UNKL: variants seen among roughly 807,000 people sequenced by gnomAD.
The protein encoded by UNKL is unk like zinc finger, also known as putative E3 ubiquitin-protein ligase UNKL.
A neutral mutation model predicts 78.0 loss-of-function variants in UNKL; 60 were observed. The observed-to-expected ratio is 0.77, with a 90% CI of 0.63 to 0.95. The LOEUF is 0.95. Ranked by LOEUF, UNKL falls within the 40% of genes least tolerant of loss-of-function variation. The probability of loss-of-function intolerance (pLI) is 0.00; values close to 1 mark genes in which losing one functional copy is unlikely to be tolerated. For synonymous variants in UNKL, 608 were observed against 474.8 expected (o/e 1.28, Z -3.65); for missense variants, 1,159 against 1,045.7 (o/e 1.11, Z -1.49).
chr16:1,376,698 A>G (rs1375471692), intron 10 of UNKL, among the ~76,000 whole-genome samples: 2 of 42,238 alleles, frequency 4.7e-5, no homozygotes, highest in Non-Finnish European at 1.1e-4. Flanking sequence ...AGGGGGATAC[A>G]TTCCAAGACC....
chr16:1,374,808 G>A (rs79143210), intron 10 of UNKL, among the ~76,000 whole-genome samples: 2,559 of 152,278 alleles, frequency 0.017, 39 homozygotes, highest in African/African-American at 0.038. Flanking sequence ...ACAAGGACTC[G>A]GCAGCCAAGG....
intron 4 of UNKL, among the ~76,000 whole-genome samples, chr16:1,400,969 G>A (rs960083041): frequency 1.3e-5 from 2 of 152,324 alleles, no homozygotes; most frequent in South Asian, 2.1e-4. Context: ...GATTACAGGC[G>A]TGAGCCAGTG....
At chr16:1,412,531 CTGCACAAGGCAGAGG>C (rs1260019568) in intron 2 of UNKL, among the ~76,000 whole-genome samples, 2 of 152,184 alleles carry the variant, frequency 1.3e-5, no homozygotes, top group African/African-American at 4.8e-5. Context: ...TCACTTAAAC[CTGCACAAGGCAGAGG>C]TTGCCGTGAG....
intron 6 of UNKL, 86 bp from the exon 7 acceptor site, chr16:1,394,301 A>C (rs955338198): frequency 1.4e-6 from 2 of 1,456,582 alleles, no homozygotes; most frequent in African/African-American, 1.4e-5. Context: ...AAGGGAGAGG[A>C]TTAAGCTCCA....
intron 2 of UNKL, among the ~76,000 whole-genome samples, chr16:1,413,243 C>CAA (rs546295462): frequency 1.7e-4 from 12 of 71,650 alleles, no homozygotes; most frequent in Non-Finnish European, 2.6e-4. Context: ...GACCCTGTCT[C>CAA]AAAAAAAAAA....
chr16:1,399,892 A>C lies in UNKL; in HGVS notation c.599-383T>G, dbSNP rs900979028. On this transcript the variant is annotated intron_variant, in intron 4 of 14. Coordinates refer to ENST00000389221, the MANE Select transcript of UNKL (RefSeq NM_001372107.1). This position sits in a 1 kb window ranked among gnomAD's most constrained non-coding sequence, Gnocchi z 5.8. ...GCACAGCTTTTGAGAATATGCTAAA[A>C]TCCAGAGACATGCACACCCCGAAAT... 6.6e-5 allele frequency among the ~76,000 whole-genome samples: 10 copies of C among 152,084 alleles called. 1 individual carries two copies. The highest frequency in any genetic ancestry group is 6.6e-4 in the Admixed American group (10 of 15,256).
In UNKL at chr16:1,371,540, C is replaced by A. The variant is rs181627566; in HGVS notation, c.1336G>T (p.Gly446Cys). 18 of 1,536,076 alleles carry A rather than the reference C, an allele frequency of 1.2e-5. No individual in the cohort carries two copies. Among genetic ancestry groups the A allele is most frequent in the East Asian group, 2.4e-5 (1 of 40,932 alleles). ...SLEKDLEEQDGHDLGAAGPRS... is the reference protein window; with the variant it reads ...SLEKDLEEQDCHDLGAAGPRS... Reference sequence around the variant, plus strand: ...TCACCTGCTGCTCCCAGGTCGTGGCCGTCTTGCTCTTCCAGGTCCTTCTCT... The same window carrying A: ...TCACCTGCTGCTCCCAGGTCGTGGCAGTCTTGCTCTTCCAGGTCCTTCTCT... The change falls in exon 11 of 15, where the codon GGC becomes TGC. Residue 446 changes from glycine to cysteine, a missense_variant. By Grantham distance (159) the Gly-to-Cys change is radical. Coordinates refer to ENST00000389221, the MANE Select transcript of UNKL (RefSeq NM_001372107.1).
Position 1,367,865 on chromosome 16 carries a change from G to A in UNKL, c.1586-7C>T, listed in dbSNP as rs1280102849. 8 of 1,555,374 alleles carry A rather than the reference G, an allele frequency of 5.1e-6. No homozygotes were observed. The highest frequency in any genetic ancestry group is 7.0e-6 in the Non-Finnish European group (8 of 1,149,792). ...CCGGGGACACCGTTCAAACCTGAGT[G>A]TGAAACGGTCGATGACGGCCCAGCC... On this transcript the variant is annotated splice_polypyrimidine_tract_variant and splice_region_variant and intron_variant, in intron 12 of 14. Coordinates refer to ENST00000389221, the MANE Select transcript of UNKL (RefSeq NM_001372107.1).
intron 10 of UNKL, among the ~76,000 whole-genome samples, chr16:1,378,337 A>C (rs1448370446): frequency 9.9e-5 from 15 of 152,182 alleles, no homozygotes; most frequent in Admixed American, 9.8e-4. Context: ...CAGGCTCGGG[A>C]ACCTGGACCT....
At position 1,403,111 on chromosome 16, in the gene UNKL, C is replaced by T. The variant is rs2037602849; in HGVS notation, c.464+57G>A. On this transcript the variant is annotated intron_variant, in intron 3 of 14. Transcript: ENST00000389221. The surrounding 1 kb of genome is among the most constrained non-coding windows in gnomAD (Gnocchi z 4.8). ...AGCCACTTGCCGAGTTCCTGCTCAT[C>T]CAGCAGAGCCCACAGCAGCAGGCAG... 4 of 1,545,554 alleles carry T rather than the reference C, an allele frequency of 2.6e-6. No individual in the cohort carries two copies. The highest frequency in any genetic ancestry group is 2.4e-5 in the East Asian group (1 of 42,524).
intron 5 of UNKL, chr16:1,398,390 T>C (rs967481837): frequency 2.0e-6 from 2 of 1,023,974 alleles, no homozygotes; most frequent in African/African-American, 3.4e-5. Flanking sequence ...TTATTTTCTT[T>C]CCATGACGGG....
intron 2 of UNKL, chr16:1,407,344 G>C (rs1441247693): frequency 1.3e-5 from 2 of 152,322 alleles, no homozygotes; most frequent in Non-Finnish European, 2.9e-5. Context: ...GGACGACAGA[G>C]GCCTGGGGAG....
intron 8 of UNKL, among the ~76,000 whole-genome samples, chr16:1,392,566 C>G (rs994731958): frequency 7.2e-5 from 11 of 152,188 alleles, no homozygotes; most frequent in African/African-American, 2.4e-4. Context: ...TCCTGAGTAG[C>G]TGGGATTACA....
At chr16:1,371,885 C>A (rs1006618193) in intron 10 of UNKL, among the ~76,000 whole-genome samples, 1 of 152,214 alleles carries the variant, frequency 6.6e-6, no homozygotes, top group Non-Finnish European at 1.5e-5. Context: ...GCCTCTGACA[C>A]GCTGCTGCTG....
intron 2 of UNKL, among the ~76,000 whole-genome samples, chr16:1,406,431 T>C (rs1005682361): frequency 6.6e-6 from 1 of 152,156 alleles, no homozygotes; most frequent in Non-Finnish European, 1.5e-5. Flanking sequence ...CAGGCTGGTC[T>C]TGAACTCCTG....
At chr16:1,379,722 C>T in intron 10 of UNKL, 1 of 978,442 alleles carries the variant, frequency 1.0e-6, no homozygotes, top group South Asian at 4.7e-5. Flanking sequence ...TGGCCCCGCC[C>T]CGCAACGTGA....
In UNKL at chr16:1,366,105, G is replaced by A; in HGVS notation, c.*135C>T. ...GCGCAGGCGGGGCTCCCAGCCTCAT[G>A]ATAACGTGTAACAGGAAGGGCTCCC... On this transcript the variant is annotated 3_prime_UTR_variant, in exon 15 of 15. Coordinates refer to ENST00000389221, the MANE Select transcript of UNKL (RefSeq NM_001372107.1). 12 of 1,111,824 alleles carry A rather than the reference G, an allele frequency of 1.1e-5. No homozygotes were observed. The highest frequency in any genetic ancestry group is 6.5e-4 in the Middle Eastern group (2 of 3,094). The allele number at this position is 1,111,824 out of a possible 1,614,324, so 68.9% of individuals were successfully genotyped here.
intron 6 of UNKL, chr16:1,395,694 C>T (rs772057540): frequency 3.1e-5 from 14 of 456,394 alleles, no homozygotes; most frequent in Non-Finnish European, 4.8e-5. Context: ...ATTTATGGTG[C>T]GGCTGTGGCC....
intron 9 of UNKL, among the ~76,000 whole-genome samples, chr16:1,386,985 C>G (rs924423763): frequency 1.3e-5 from 2 of 152,206 alleles, no homozygotes; most frequent in Non-Finnish European, 2.9e-5. Flanking sequence ...GCCCAGAGAC[C>G]ACTTTTCCTC....
Sources: allele counts gnomAD v4.1 joint callset (sites outside exome capture counted in the v4.1 genomes callset), GRCh38; gene constraint gnomAD v4.1.1; non-coding constraint Gnocchi (gnomAD v3.1); transcripts MANE v1.5; gene names NCBI Gene and HGNC (gene_info 2026-07-23, HGNC 2026-07-21).